The following ARMC9 variants were observed in gnomAD, a reference collection of about 807,000 sequenced individuals.
ARMC9 encodes lisH domain-containing protein ARMC9.
A neutral mutation model predicts 107.0 loss-of-function variants in ARMC9; 94 were observed. The observed-to-expected ratio is 0.88, with a 90% confidence interval of 0.74 to 1.04. The LOEUF is 1.04. ARMC9 is among the 50% of genes least tolerant of loss of function. ARMC9 has a pLI of 0.00. For synonymous variants in ARMC9, 380 were observed against 396.9 expected, an observed-to-expected ratio of 0.96 and a Z score of 0.51; for missense variants, 942 against 1,030.1, an observed-to-expected ratio of 0.91 and a Z score of 1.17.
intron 19 of ARMC9, among the ~76,000 whole-genome samples, chr2:231,300,530 T>A (rs1326319096): frequency 2.6e-5 from 4 of 152,200 alleles, no homozygotes; most frequent in African/African-American, 9.6e-5. Flanking sequence ...CTAGGCGCCT[T>A]ATGGGTGTTC....
At position 231,362,684 on chromosome 2, in the gene ARMC9, TC is replaced by T. The variant is rs1404103757; in HGVS notation, c.2261+1803del. 6.6e-6 allele frequency: 1 copy of T among 152,268 alleles called. No individual in the cohort carries two copies. The highest frequency in any genetic ancestry group is 6.7e-5 in the Admixed American group (1 of 14,912). The allele number at this position is 152,268 out of a possible 1,614,324, so 9.4% of individuals were successfully genotyped here. Reference sequence around the variant, plus strand: ...AGTACAAGTTGTTCCATCTTCCTCTTCCTCCCTCACTGGCAACGTCATCTAG... The same window carrying T: ...AGTACAAGTTGTTCCATCTTCCTCTTCTCCCTCACTGGCAACGTCATCTAG... On this transcript the variant is annotated intron_variant, in intron 23 of 24. Coordinates refer to ENST00000611582, the MANE Select transcript of ARMC9 (RefSeq NM_001352754.2). The surrounding 1 kb of genome is among the most constrained non-coding windows in gnomAD (Gnocchi z 4.7).
At chr2:231,250,058 A>C (rs1305327056) in intron 9 of ARMC9, among the ~76,000 whole-genome samples, 1 of 152,064 alleles carries the variant, frequency 6.6e-6, no homozygotes, top group Non-Finnish European at 1.5e-5. Flanking sequence ...TTGGGAGCAC[A>C]GTCCTTTTTC....
intron 7 of ARMC9, among the ~76,000 whole-genome samples, chr2:231,231,985 G>A (rs1011899999): frequency 7.3e-5 from 11 of 151,698 alleles, no homozygotes; most frequent in Admixed American, 2.6e-4. Flanking sequence ...CACTGTTCCC[G>A]GCTGAAAAAC....
At chr2:231,350,421 CT>C (rs2045011567) in intron 21 of ARMC9, among the ~76,000 whole-genome samples, 1 of 152,032 alleles carries the variant, frequency 6.6e-6, no homozygotes, top group East Asian at 1.9e-4. Context: ...TACAGGATGA[CT>C]CTCCAGTCCT....
intron 7 of ARMC9, among the ~76,000 whole-genome samples, chr2:231,228,640 C>T (rs2034904490): frequency 6.6e-6 from 1 of 152,216 alleles, no homozygotes; most frequent in African/African-American, 2.4e-5. Flanking sequence ...AAGGCCCCCT[C>T]ACCTTCAGAG....
At chr2:231,211,615 A>G (rs1559292445) in intron 3 of ARMC9, among the ~76,000 whole-genome samples, 3 of 151,846 alleles carry the variant, frequency 2.0e-5, no homozygotes. Context: ...TTGGATGTAT[A>G]CCCAGAAGTA....
intron 20 of ARMC9, among the ~76,000 whole-genome samples, chr2:231,338,366 A>C (rs532976597): frequency 6.6e-6 from 1 of 151,834 alleles, no homozygotes; most frequent in African/African-American, 2.4e-5. Flanking sequence ...CTGGGACTAC[A>C]GGCGTATGTG....
At position 231,344,058 on chromosome 2, in the gene ARMC9, C is replaced by T. The variant is rs191835551; in HGVS notation, c.1879-917C>T. On this transcript the variant is annotated intron_variant, in intron 20 of 24. Coordinates refer to ENST00000611582, the MANE Select transcript of ARMC9 (RefSeq NM_001352754.2). ...TATGCCATGTTTTACTTATTTACTC[C>T]CCTGTTACTAGACATTAGATCATTT... is the stretch of plus-strand genomic sequence containing the variant. Among the ~76,000 whole-genome samples, 543 of 152,052 alleles carry T rather than the reference C, an allele frequency of 3.6e-3. 3 individuals carry two copies. The highest frequency in any genetic ancestry group is 6.7e-3 in the Non-Finnish European group (454 of 67,988).
intron 1 of ARMC9, among the ~76,000 whole-genome samples, chr2:231,204,279 C>A (rs1402400333): frequency 6.6e-6 from 1 of 152,018 alleles, no homozygotes; most frequent in Non-Finnish European, 1.5e-5. Flanking sequence ...AGCCACTTAC[C>A]AGCTCTGTAA....
chr2:231,266,787 T>C (rs2038892095), intron 12 of ARMC9, among the ~76,000 whole-genome samples: 1 of 152,232 alleles, frequency 6.6e-6, no homozygotes, highest in Non-Finnish European at 1.5e-5. Context: ...ATTTCTTTCC[T>C]TTTTAAGGCT....
At chr2:231,341,115 C>T (rs1312319852) in intron 20 of ARMC9, among the ~76,000 whole-genome samples, 1 of 152,136 alleles carries the variant, frequency 6.6e-6, no homozygotes, top group Non-Finnish European at 1.5e-5. Context: ...TCATTTGAGC[C>T]TAGGAGTTCA....
chr2:231,235,855 T>C (rs999479468), intron 8 of ARMC9, among the ~76,000 whole-genome samples: 2 of 152,228 alleles, frequency 1.3e-5, no homozygotes, highest in African/African-American at 4.8e-5. Flanking sequence ...TTGGTCAGGC[T>C]GGTCTCGAAC....
At position 231,226,912 on chromosome 2, in the gene ARMC9, A is replaced by C. The variant is rs143025436; in HGVS notation, c.622+114A>C. 715 of 1,272,908 alleles carry C rather than the reference A, an allele frequency of 5.6e-4. 5 individuals carry two copies. In the African/African-American group the frequency reaches 9.6e-3, roughly 17 times the overall value. 78.9% of individuals were successfully genotyped at this position (1,272,908 alleles called of 1,614,324 possible). ...CATGATTTTGGCTTTAAGAGTCTAA[A>C]TATTTATGAAAGGCTTTGCAGTCAT... is the stretch of plus-strand genomic sequence containing the variant. On this transcript the variant is annotated intron_variant, in intron 7 of 24. Coordinates refer to ENST00000611582, the MANE Select transcript of ARMC9 (RefSeq NM_001352754.2).
chr2:231,370,032 A>G lies in ARMC9; in HGVS notation c.2341A>G (p.Lys781Glu). The G allele has an allele frequency of 1.3e-6, 2 of 1,535,696 alleles. No homozygotes were observed. Among genetic ancestry groups the G allele is most frequent in the Non-Finnish European group, 1.7e-6 (2 of 1,146,682 alleles). Reference sequence around the variant, plus strand: ...GCTGGACTGGAACCCACCCAAGGCAAAGGCGTCAGTTCTGGCCCCTCTGTT... The same window carrying G: ...GCTGGACTGGAACCCACCCAAGGCAGAGGCGTCAGTTCTGGCCCCTCTGTT... ...EMLDWNPPKA[K>E]ASVLAPLFSS... Residue 781 changes from lysine to glutamate, a missense_variant, in exon 24 of 25, where the codon AAG becomes GAG. Physicochemically the swap from Lys to Glu is moderately conservative, Grantham distance 56. Transcript: ENST00000611582.
Position 231,344,768 on chromosome 2 carries a change from A to C in ARMC9, c.1879-207A>C, listed in dbSNP as rs535035724. On this transcript the variant is annotated intron_variant, in intron 20 of 24. Coordinates refer to ENST00000611582, the MANE Select transcript of ARMC9 (RefSeq NM_001352754.2). ...ACTTTGTTTTAATTTATACTGCTAA[A>C]TGGTGTGATACACAAACCGTTAGCA... 9.2e-5 allele frequency among the ~76,000 whole-genome samples: 14 copies of C among 152,294 alleles called. No individual in the cohort carries two copies. The South Asian group carries it at 2.7e-3, about 29-fold the overall frequency.
chr2:231,243,211 C>A (rs1017051141), intron 9 of ARMC9, among the ~76,000 whole-genome samples: 1 of 150,374 alleles, frequency 6.7e-6, no homozygotes, highest in Non-Finnish European at 1.5e-5. Flanking sequence ...CACGCCACTG[C>A]ACTCCAGCCT....
chr2:231,316,666 A>G (rs1317410748), intron 19 of ARMC9, among the ~76,000 whole-genome samples: 1 of 149,470 alleles, frequency 6.7e-6, no homozygotes, highest in Non-Finnish European at 1.5e-5. Context: ...CTCCATCTCA[A>G]AAAAAAAAAA....
chr2:231,283,923 A>C (rs1417670900), intron 17 of ARMC9, among the ~76,000 whole-genome samples: 1 of 152,042 alleles, frequency 6.6e-6, no homozygotes, highest in Non-Finnish European at 1.5e-5. Flanking sequence ...ACAGGGTCTT[A>C]CCATGTTGCC....
intron 16 of ARMC9, among the ~76,000 whole-genome samples, chr2:231,279,918 G>A (rs540256722): frequency 6.6e-6 from 1 of 152,256 alleles, no homozygotes; most frequent in South Asian, 2.1e-4. Context: ...TGGATGTTTG[G>A]TGTCTTTGTG....
Sources: gnomAD v4.1 joint callset for allele counts (sites outside exome capture counted in the v4.1 genomes callset) on GRCh38, gnomAD v4.1.1 for gene constraint, Gnocchi (gnomAD v3.1) non-coding constraint, MANE v1.5 for transcripts, NCBI Gene and HGNC (gene_info 2026-07-23, HGNC 2026-07-21) for gene names.